BUB1B: variants seen among roughly 807,000 people sequenced by gnomAD.
The protein encoded by BUB1B is BUB1 mitotic checkpoint serine/threonine kinase B.
A neutral mutation model predicts 137.7 loss-of-function variants in BUB1B; 86 were observed. That is an observed-to-expected ratio of 0.62 (90% CI 0.52 to 0.75). The LOEUF is 0.75. BUB1B is among the 30% of genes least tolerant of loss of function. BUB1B has a pLI of 0.00. For missense variants in BUB1B, 1,130 were observed against 1,236.9 expected (o/e 0.91, Z 1.30); for synonymous variants, 420 against 417.9 (o/e 1.00, Z -0.06).
intron 1 of BUB1B, among the ~76,000 whole-genome samples, chr15:40,161,894 C>G (rs1456607894): frequency 6.6e-6 from 1 of 152,072 alleles, no homozygotes; most frequent in East Asian, 1.9e-4. Flanking sequence ...ATGTCATGGG[C>G]TCTTTCATTC....
intron 8 of BUB1B, among the ~76,000 whole-genome samples, chr15:40,187,478 C>T (rs534617257): frequency 6.6e-6 from 1 of 152,098 alleles, no homozygotes; most frequent in African/African-American, 2.4e-5. Flanking sequence ...GTAGTCCTAA[C>T]TACTCGAGTG....
chr15:40,182,687 A>G (rs1254248551), intron 5 of BUB1B, among the ~76,000 whole-genome samples: 3 of 152,244 alleles, frequency 2.0e-5, no homozygotes, highest in African/African-American at 4.8e-5. Context: ...ATACAGAATT[A>G]GGAGATCCTC....
chr15:40,163,908 C>T (rs1260328780), intron 1 of BUB1B, among the ~76,000 whole-genome samples: 1 of 152,220 alleles, frequency 6.6e-6, no homozygotes, highest in Non-Finnish European at 1.5e-5. Context: ...ACTGAAGTCA[C>T]ATATAACTTT....
At chr15:40,212,793 C>A in intron 19 of BUB1B, 145 bp downstream of exon 19, 3 of 828,990 alleles carry the variant, frequency 3.6e-6, no homozygotes, top group South Asian at 1.8e-5. Flanking sequence ...ATAATTTTCT[C>A]GTTATTTTGA....
At chr15:40,204,944 CTTT>C (rs11333364) in intron 14 of BUB1B, among the ~76,000 whole-genome samples, 13 of 94,784 alleles carry the variant, frequency 1.4e-4, no homozygotes, top group Non-Finnish European at 1.5e-4. Context: ...CTGGCCAAAT[CTTT>C]TTTTTTTTTT....
Position 40,165,145 on chromosome 15 carries a change from G to T in BUB1B, c.128G>T (p.Gly43Val). ...GGGCGGATCATGTCCACGCTTCAGG[G>T]AGCACTGGCACAAGAATCTGCCTGT... ...RQGRIMSTLQ[G>V]ALAQESACNN... Residue 43 changes from glycine (G) to valine (V), a missense_variant, in exon 2 of 23, where the codon GGA becomes GTA. Gly to Val is a moderately radical substitution (Grantham distance 109, BLOSUM62 -3). Coordinates refer to ENST00000287598, the MANE Select transcript of BUB1B (RefSeq NM_001211.6). The T allele has an allele frequency of 6.2e-7, 1 of 1,614,180 alleles. No individual in the cohort carries two copies. The highest frequency in any genetic ancestry group is 8.5e-7 in the Non-Finnish European group (1 of 1,180,050).
At chr15:40,212,121 C>T (rs1360074167) in intron 18 of BUB1B, among the ~76,000 whole-genome samples, 2 of 152,232 alleles carry the variant, frequency 1.3e-5, no homozygotes, top group African/African-American at 4.8e-5. Flanking sequence ...AGGCATGAGC[C>T]ACTGCACTAG....
chr15:40,220,970 C>A lies in BUB1B; in HGVS notation c.*211C>A. ...GGCCTTGTCTAACTTTTGTGAAGAACTATTTTATTCTAAACAGACTCATTA... is the reference window on the plus strand; with the variant it reads ...GGCCTTGTCTAACTTTTGTGAAGAAATATTTTATTCTAAACAGACTCATTA... On this transcript the variant is annotated 3_prime_UTR_variant, in exon 23 of 23. Transcript: ENST00000287598. 1 of 599,082 alleles carries A rather than the reference C, an allele frequency of 1.7e-6. No individual in the cohort carries two copies. The highest frequency in any genetic ancestry group is 3.0e-6 in the Non-Finnish European group (1 of 335,668). The allele number at this position is 599,082 out of a possible 1,614,324, so 37.1% of individuals were successfully genotyped here.
intron 17 of BUB1B, 57 bp from the exon 18 acceptor site, chr15:40,210,053 C>A: frequency 1.4e-6 from 2 of 1,393,162 alleles, no homozygotes; most frequent in Non-Finnish European, 2.0e-6. Flanking sequence ...GAGGTAAAAG[C>A]TACAGGGCTG....
intron 15 of BUB1B, among the ~76,000 whole-genome samples, chr15:40,207,862 C>G (rs2037656407): frequency 7.4e-6 from 1 of 135,868 alleles, no homozygotes; most frequent in Non-Finnish European, 1.6e-5. Context: ...CAAAGTGATG[C>G]CTTGTGTCTA....
chr15:40,204,901 A>G (rs2040996174), intron 14 of BUB1B, among the ~76,000 whole-genome samples: 1 of 151,106 alleles, frequency 6.6e-6, no homozygotes, highest in South Asian at 2.1e-4. Flanking sequence ...CTGCCTCCCA[A>G]AGTGTTGGGA....
intron 6 of BUB1B, 132 bp from the exon 7 acceptor site, chr15:40,185,033 T>G: frequency 4.1e-6 from 3 of 722,978 alleles, no homozygotes; most frequent in Non-Finnish European, 6.7e-6. Context: ...AGATTATTTT[T>G]AAAATTTCTT....
chr15:40,206,501 C>T (rs1209033487), intron 15 of BUB1B, 43 bp downstream of exon 15: 1 of 1,611,282 alleles, frequency 6.2e-7, no homozygotes, highest in African/African-American at 1.3e-5. Context: ...ATTGTTTACT[C>T]TCTTATTCTG....
intron 22 of BUB1B, among the ~76,000 whole-genome samples, chr15:40,220,240 A>T (rs2037878720): frequency 6.6e-6 from 1 of 152,222 alleles, no homozygotes; most frequent in Non-Finnish European, 1.5e-5. Flanking sequence ...AGACTCTAGG[A>T]AAGTTAGAGG....
chr15:40,176,405 T>C, intron 4 of BUB1B, 72 bp from the exon 5 acceptor site: 2 of 1,306,734 alleles, frequency 1.5e-6, no homozygotes, highest in South Asian at 1.2e-5. Flanking sequence ...GTATCTCCAG[T>C]GATTGTTTGG....
At chr15:40,189,555 A>G (rs2037411581) in intron 8 of BUB1B, among the ~76,000 whole-genome samples, 1 of 152,124 alleles carries the variant, frequency 6.6e-6, no homozygotes, top group African/African-American at 2.4e-5. Flanking sequence ...ATTATTTTTT[A>G]TTGCCAAGTA....
At chr15:40,201,853 T>G (rs1036340170) in intron 12 of BUB1B, among the ~76,000 whole-genome samples, 2 of 151,860 alleles carry the variant, frequency 1.3e-5, no homozygotes, top group African/African-American at 4.8e-5. Flanking sequence ...GTATTTTTAG[T>G]AGAGACGGGG....
At chr15:40,218,888 G>A (rs1398641837) in intron 22 of BUB1B, among the ~76,000 whole-genome samples, 1 of 152,134 alleles carries the variant, frequency 6.6e-6, no homozygotes, top group Non-Finnish European at 1.5e-5. Context: ...TAACTAATTG[G>A]TGTTAGCCTT....
intron 18 of BUB1B, 97 bp downstream of exon 18, chr15:40,210,307 C>T (rs1273116915): frequency 1.1e-6 from 1 of 937,014 alleles, no homozygotes; most frequent in Non-Finnish European, 1.7e-6. Flanking sequence ...CTAATAATCT[C>T]TTTCAATATG....
Sources: gnomAD v4.1 joint callset for allele counts (sites outside exome capture counted in the v4.1 genomes callset) on GRCh38, gnomAD v4.1.1 for gene constraint, MANE v1.5 for transcripts, NCBI Gene and HGNC (gene_info 2026-07-23, HGNC 2026-07-21) for gene names.